The following GDPD5 variants were observed in gnomAD, a reference collection of about 807,000 sequenced individuals.
GDPD5 encodes glycerophosphodiester phosphodiesterase 2.
Under a neutral mutation model 75.1 loss-of-function variants are expected in GDPD5, and 48 were observed. That is an observed-to-expected ratio of 0.64 (90% CI 0.51 to 0.81). The LOEUF (loss-of-function observed/expected upper bound fraction) is 0.81. Ranked by LOEUF, GDPD5 falls within the 40% of genes least tolerant of loss-of-function variation. The pLI is 0.00. For missense variants in GDPD5, 706 were observed against 822.6 expected (o/e 0.86, Z 1.73); for synonymous variants, 336 against 339.0 (o/e 0.99, Z 0.10).
chr11:75,500,872 T>C (rs549974826), intron 1 of GDPD5, among the ~76,000 whole-genome samples: 1 of 152,142 alleles, frequency 6.6e-6, no homozygotes, highest in Admixed American at 6.5e-5. Context: ...CTTCCTCTCA[T>C]CCCCCAAACA....
intron 1 of GDPD5, among the ~76,000 whole-genome samples, chr11:75,507,555 A>G (rs1487693404): frequency 1.3e-5 from 2 of 152,206 alleles, no homozygotes; most frequent in Non-Finnish European, 2.9e-5. Context: ...TTCCTCCTTT[A>G]AAGCCCAGAC....
intron 1 of GDPD5, among the ~76,000 whole-genome samples, chr11:75,499,466 TAA>T (rs1950267768): frequency 6.6e-6 from 1 of 150,598 alleles, no homozygotes; most frequent in East Asian, 1.9e-4. Flanking sequence ...GGGGGATGAC[TAA>T]GTCTTCAAAT....
intron 1 of GDPD5, among the ~76,000 whole-genome samples, chr11:75,514,873 G>C (rs1246219775): frequency 6.6e-6 from 1 of 152,236 alleles, no homozygotes; most frequent in African/African-American, 2.4e-5. Context: ...CTGAAATACA[G>C]GATGCTGTCT....
intron 2 of GDPD5, among the ~76,000 whole-genome samples, chr11:75,488,052 C>T (rs1000498227): frequency 3.9e-5 from 6 of 152,206 alleles, no homozygotes; most frequent in African/African-American, 1.4e-4. Flanking sequence ...CAGAAATCCC[C>T]TGTGCTGCTC....
At chr11:75,467,058 C>A (rs976909338) in intron 3 of GDPD5, among the ~76,000 whole-genome samples, 4 of 152,180 alleles carry the variant, frequency 2.6e-5, no homozygotes, top group Non-Finnish European at 2.9e-5. Context: ...CTTCAGGAAG[C>A]CTTTCCATCC....
At chr11:75,497,934 C>G (rs1215888035) in intron 1 of GDPD5, among the ~76,000 whole-genome samples, 1 of 152,224 alleles carries the variant, frequency 6.6e-6, no homozygotes, top group African/African-American at 2.4e-5. Flanking sequence ...GGATTAACAC[C>G]ATGTTACAAT....
intron 1 of GDPD5, among the ~76,000 whole-genome samples, chr11:75,517,174 C>T (rs1950655128): frequency 6.6e-6 from 1 of 152,118 alleles, no homozygotes; most frequent in African/African-American, 2.4e-5. Context: ...AGCTTTTAGG[C>T]TGGGGGGCGG....
Position 75,435,548 on chromosome 11 carries a change from C to G in GDPD5, c.1777G>C (p.Gly593Arg), listed in dbSNP as rs1948603279. The change falls in exon 17 of 17, where the codon GGC becomes CGC. Residue 593 changes from glycine to arginine, a missense_variant. Gly to Arg is a moderately radical substitution (Grantham distance 125). Coordinates refer to ENST00000336898, the MANE Select transcript of GDPD5 (RefSeq NM_030792.8). Reference sequence around the variant, plus strand: ...TCTATGAGGGTCTTGGTGTGGCTGCCACCCCCTCGGGGGCCCACAGGGGTG... The same window carrying G: ...TCTATGAGGGTCTTGGTGTGGCTGCGACCCCCTCGGGGGCCCACAGGGGTG... ...TATPVGPRGG[G>R]SHTKTLIERS... The G allele has an allele frequency of 6.2e-7, 1 of 1,612,746 alleles. No individual in the cohort carries two copies. The highest frequency in any genetic ancestry group is 8.5e-7 in the Non-Finnish European group (1 of 1,179,518).
intron 1 of GDPD5, among the ~76,000 whole-genome samples, chr11:75,493,682 G>T (rs867273313): frequency 6.9e-6 from 1 of 144,808 alleles, no homozygotes; most frequent in Non-Finnish European, 1.5e-5. Context: ...GAGTGCAGCA[G>T]GGGGGGGCCT....
At chr11:75,462,276 G>T (rs900245111) in intron 4 of GDPD5, among the ~76,000 whole-genome samples, 1 of 152,178 alleles carries the variant, frequency 6.6e-6, no homozygotes, top group African/African-American at 2.4e-5. Context: ...CTCCCCAGTG[G>T]GCTTTGGCTC....
chr11:75,443,198 G>T lies in GDPD5; in HGVS notation c.886C>A (p.Pro296Thr). 6.2e-7 allele frequency: 1 copy of T among 1,603,890 alleles called. No homozygotes were observed. The change falls in exon 11 of 17, where the codon CCT becomes ACT. Residue 296 changes from proline to threonine, a missense_variant. Coordinates refer to ENST00000336898, the MANE Select transcript of GDPD5 (RefSeq NM_030792.8). ...EEEFPELARR[P>T]ASMLNWTTLQ... ...GTGGTCCAGTTAAGCATGGAGGCAG[G>T]CCTGCGGGCCAGCTCCGGGAACTCC...
Position 75,435,642 on chromosome 11 carries a change from A to G in GDPD5, c.1683T>C (p.Gly561=). The G allele has an allele frequency of 7.5e-6, 12 of 1,610,528 alleles. No individual in the cohort carries two copies. Among genetic ancestry groups the G allele is most frequent in the Non-Finnish European group, 1.0e-5 (12 of 1,178,018 alleles). Residue 561 remains glycine, a synonymous_variant, in exon 17 of 17, where the codon GGT becomes GGC. Transcript: ENST00000336898. ...CGGAGAGCACATCGGAGACCTCTAC[A>G]CCATCGCTGATCTCTGCTGGGCCAG... ...EKLIFSEISD[G]VEVSDVLSVC... is the part of the protein sequence containing the mutation.
At chr11:75,467,495 C>T (rs1346220788) in intron 3 of GDPD5, among the ~76,000 whole-genome samples, 1 of 152,134 alleles carries the variant, frequency 6.6e-6, no homozygotes, top group Non-Finnish European at 1.5e-5. Context: ...GTGCTCAGGG[C>T]CACCAGTGGG....
At chr11:75,446,085 T>C (rs906363065) in intron 9 of GDPD5, among the ~76,000 whole-genome samples, 9 of 152,188 alleles carry the variant, frequency 5.9e-5, no homozygotes, top group Non-Finnish European at 1.5e-5. Flanking sequence ...ATCCCACCCA[T>C]CTCTGAATAT....
At chr11:75,449,847 T>G (rs1949091809) in intron 7 of GDPD5, 38 bp downstream of exon 7, 2 of 1,586,438 alleles carry the variant, frequency 1.3e-6, no homozygotes, top group South Asian at 2.2e-5. Context: ...ACAGAAAGGC[T>G]CTTGTTGTGA....
At chr11:75,441,952 C>T in intron 12 of GDPD5, 149 bp from the exon 13 acceptor site, 1 of 826,644 alleles carries the variant, frequency 1.2e-6, no homozygotes, top group Non-Finnish European at 1.8e-6. Context: ...AGGACTCAGT[C>T]CCAGCCAAGG....
intron 1 of GDPD5, among the ~76,000 whole-genome samples, chr11:75,494,708 T>A (rs1456212367): frequency 6.6e-6 from 1 of 152,024 alleles, no homozygotes; most frequent in Non-Finnish European, 1.5e-5. Flanking sequence ...ATCCCAGCAC[T>A]TTGAGGGCCT....
At chr11:75,448,667 G>A (rs753452442) in intron 9 of GDPD5, 179 of 1,100,630 alleles carry the variant, frequency 1.6e-4, no homozygotes, top group Non-Finnish European at 2.0e-4. Context: ...CAGACCCCAG[G>A]CCCCACACTC....
intron 11 of GDPD5, 183 bp from the exon 12 acceptor site, chr11:75,442,764 C>A (rs1456891232): frequency 1.6e-6 from 1 of 619,260 alleles, no homozygotes; most frequent in Non-Finnish European, 2.8e-6. Flanking sequence ...CTACCCCACA[C>A]CCTGCTTACC....
Sources: allele counts gnomAD v4.1 joint callset (sites outside exome capture counted in the v4.1 genomes callset), GRCh38; gene constraint gnomAD v4.1.1; transcripts MANE v1.5; gene names NCBI Gene and HGNC (gene_info 2026-07-23, HGNC 2026-07-21).